Variants in SHQ1 observed in about 807,000 individuals in gnomAD.
SHQ1 encodes SHQ1, H/ACA ribonucleoprotein assembly factor, also known as protein SHQ1 homolog.
A neutral mutation model predicts 53.8 loss-of-function variants in SHQ1; 49 were observed. That is an observed-to-expected ratio of 0.91 (90% CI 0.72 to 1.16). The LOEUF (loss-of-function observed/expected upper bound fraction) is 1.16, where lower values mean the gene tolerates loss of function less well. Among genes scored for constraint, SHQ1 ranks in the 50% most tolerant of loss-of-function variants. SHQ1 has a pLI of 0.00. For synonymous variants in SHQ1, 243 were observed against 251.0 expected, an observed-to-expected ratio of 0.97 and a Z score of 0.30; for missense variants, 738 against 683.1, an observed-to-expected ratio of 1.08 and a Z score of -0.90.
downstream of SHQ1, among the ~76,000 whole-genome samples, chr3:72,746,993 A>C (rs1242685737): frequency 6.6e-6 from 1 of 152,250 alleles, no homozygotes; most frequent in Non-Finnish European, 1.5e-5. Flanking sequence ...TATAGTGTTC[A>C]GGAGTTCACA....
intron 10 of SHQ1, chr3:72,753,231 T>C (rs545316790): frequency 3.0e-6 from 3 of 985,336 alleles, no homozygotes; most frequent in South Asian, 4.7e-5. Context: ...TAAATGAACA[T>C]ACAAAACATT....
chr3:72,736,954 A>G, the SHQ1 span, among the ~76,000 whole-genome samples: 1 of 151,740 alleles, frequency 6.6e-6, no homozygotes, highest in Non-Finnish European at 1.5e-5. Context: ...CAGAGTTTAT[A>G]CTGGGAAGGA....
chr3:72,743,279 T>C, the SHQ1 span, among the ~76,000 whole-genome samples: 1 of 152,316 alleles, frequency 6.6e-6, no homozygotes, highest in African/African-American at 2.4e-5. Flanking sequence ...CTGGCCCTGA[T>C]TCACTGGGAT....
At position 72,825,658 on chromosome 3, in the gene SHQ1, G is replaced by A. The variant is rs542774142; in HGVS notation, c.600-1107C>T. Among the ~76,000 whole-genome samples, 3 of 152,078 alleles carry A rather than the reference G, an allele frequency of 2.0e-5. No homozygotes were observed. In the East Asian group the frequency reaches 5.8e-4, roughly 29 times the overall value. The stretch of plus-strand genomic sequence containing the variant: ...TCAAAGTTGGAAATTGGTATTCTTG[G>A]GAAAAGCATTAACAAGGTATAACTC... On this transcript the variant is annotated intron_variant, in intron 5 of 10. Coordinates refer to ENST00000325599, the MANE Select transcript of SHQ1 (RefSeq NM_018130.3).
chr3:72,745,898 A>C (rs1354115400), downstream of SHQ1, among the ~76,000 whole-genome samples: 2 of 148,928 alleles, frequency 1.3e-5, no homozygotes, highest in Non-Finnish European at 3.0e-5. Context: ...GCTGGAGTGC[A>C]GTGGCACAAT....
chr3:72,769,054 T>C (rs1705791903), intron 10 of SHQ1, among the ~76,000 whole-genome samples: 1 of 152,194 alleles, frequency 6.6e-6, no homozygotes. Context: ...TGCAGGTCCT[T>C]TGATCAAGTA....
intron 10 of SHQ1, among the ~76,000 whole-genome samples, chr3:72,785,774 C>T (rs556476737): frequency 4.6e-5 from 7 of 152,134 alleles, no homozygotes; most frequent in African/African-American, 7.2e-5. Flanking sequence ...GCATCCACTC[C>T]GATTATTATT....
At chr3:72,751,256 C>T (rs1393908275) in intron 10 of SHQ1, among the ~76,000 whole-genome samples, 2 of 151,696 alleles carry the variant, frequency 1.3e-5, no homozygotes, top group African/African-American at 4.8e-5. Context: ...ACTAAAAATA[C>T]AAAAAATTAG....
chr3:72,793,135 C>T (rs1706494328), intron 9 of SHQ1, 99 bp from the exon 10 acceptor site: 1 of 1,106,318 alleles, frequency 9.0e-7, no homozygotes, highest in Non-Finnish European at 1.3e-6. Context: ...CTGATCATTT[C>T]TTAAGAACAT....
chr3:72,833,854 T>G (rs777271349), intron 4 of SHQ1, among the ~76,000 whole-genome samples: 9 of 152,232 alleles, frequency 5.9e-5, no homozygotes, highest in Non-Finnish European at 1.0e-4. Context: ...TTCTTCTGTC[T>G]CACTACTCCT....
intron 10 of SHQ1, among the ~76,000 whole-genome samples, chr3:72,758,992 G>C (rs546518235): frequency 6.6e-6 from 1 of 152,296 alleles, no homozygotes; most frequent in South Asian, 2.1e-4. Flanking sequence ...TCCTTGGCTT[G>C]TAAATGCATC....
Position 72,798,333 on chromosome 3 carries a change from C to T in SHQ1, c.1061-5297G>A, listed in dbSNP as rs146476600. Among the ~76,000 whole-genome samples, 294 of 152,252 alleles carry T rather than the reference C, an allele frequency of 1.9e-3. 2 individuals carry two copies. The highest frequency in any genetic ancestry group is 6.7e-3 in the African/African-American group (277 of 41,544). On this transcript the variant is annotated intron_variant, in intron 9 of 10. Coordinates refer to ENST00000325599, the MANE Select transcript of SHQ1 (RefSeq NM_018130.3). ...ACTTGGCTGAGTAAGCCAACCCTAT[C>T]CATGGAAGAATGACTCGAAGACCAA...
At chr3:72,811,436 G>GC (rs1707120405) in intron 9 of SHQ1, among the ~76,000 whole-genome samples, 1 of 152,234 alleles carries the variant, frequency 6.6e-6, no homozygotes, top group South Asian at 2.1e-4. Context: ...TAGATGGAAG[G>GC]CAAGAAGAAA....
At chr3:72,751,473 CAT>C (rs199941644) in intron 10 of SHQ1, among the ~76,000 whole-genome samples, 1,850 of 113,922 alleles carry the variant, frequency 0.016, 19 homozygotes, top group Middle Eastern at 0.054. Context: ...ATAATAAGCA[CAT>C]ATGTGTGTGT....
intron 10 of SHQ1, among the ~76,000 whole-genome samples, chr3:72,769,980 CA>C (rs1400461440): frequency 6.6e-6 from 1 of 152,178 alleles, no homozygotes; most frequent in Non-Finnish European, 1.5e-5. Context: ...AACCCAAATT[CA>C]TATGGGGCTT....
At chr3:72,737,376 C>G in the SHQ1 span, among the ~76,000 whole-genome samples, 2 of 152,010 alleles carry the variant, frequency 1.3e-5, no homozygotes, top group Admixed American at 6.6e-5. Context: ...CAGGAACCCT[C>G]TGAAGGCAGA....
chr3:72,844,211 C>T, intron 2 of SHQ1, 148 bp downstream of exon 2: 1 of 652,650 alleles, frequency 1.5e-6, no homozygotes, highest in South Asian at 2.0e-5. Context: ...CAATAACAGG[C>T]ACTGGACACT....
rs1383224395 is a variant in SHQ1 at position 72,749,953 on chromosome 3, T to C, written c.*331A>G. ...GATAAAAAATGGTGCAGTATTTGCA[T>C]ATAACCTACCCACATCCTCCTGCAC... On this transcript the variant is annotated 3_prime_UTR_variant, in exon 11 of 11. Transcript: ENST00000325599. 7.3e-6 allele frequency: 2 copies of C among 272,470 alleles called. No homozygotes were observed. The highest frequency in any genetic ancestry group is 4.4e-5 in the African/African-American group (2 of 45,748). The allele number at this position is 272,470 out of a possible 1,614,324, so 16.9% of individuals were successfully genotyped here.
the SHQ1 span, among the ~76,000 whole-genome samples, chr3:72,734,499 G>A: frequency 6.6e-5 from 10 of 151,316 alleles, 1 homozygote; most frequent in South Asian, 2.1e-4. Context: ...GAAGTGATCC[G>A]CCCACCTCAG....
Sources: gnomAD v4.1 joint callset for allele counts (sites outside exome capture counted in the v4.1 genomes callset) on GRCh38, gnomAD v4.1.1 for gene constraint, MANE v1.5 for transcripts, NCBI Gene and HGNC (gene_info 2026-07-23, HGNC 2026-07-21) for gene names.